Variants in LRRC3C observed in about 807,000 individuals in gnomAD.
LRRC3C encodes leucine rich repeat containing 3C, also known as leucine-rich repeat-containing protein 3C.
Under a neutral mutation model 14.8 loss-of-function variants are expected in LRRC3C, and 11 were observed. The observed-to-expected ratio is 0.74, with a 90% CI of 0.47 to 1.23. The LOEUF is 1.23. Ranked by LOEUF, LRRC3C falls within the 50% of genes most tolerant of loss-of-function variation. The probability of loss-of-function intolerance (pLI) is 0.00; values close to 1 mark genes in which losing one functional copy is unlikely to be tolerated. For synonymous variants in LRRC3C, 149 were observed against 161.5 expected (o/e 0.92, Z 0.59); for missense variants, 354 against 361.8 (o/e 0.98, Z 0.18).
chr17:39,941,632 G>C lies in LRRC3C; in HGVS notation c.26+83G>C, dbSNP rs74884452. On this transcript the variant is annotated intron_variant, in intron 3 of 3. Coordinates refer to ENST00000377924, the MANE Select transcript of LRRC3C (RefSeq NM_001195545.2). ...CTCTGACCTGGCAGGAGGGCTTCCA[G>C]GTTCCGTACAATACAATACCGTGGG... 6,803 of 1,261,938 alleles carry C rather than the reference G, an allele frequency of 5.4e-3. 61 individuals are homozygous for C. Among genetic ancestry groups the C allele is most frequent in the African/African-American group, 0.037 (2,510 of 67,612 alleles). The allele number at this position is 1,261,938 out of a possible 1,614,324, so 78.2% of individuals were successfully genotyped here.
At chr17:39,936,288 C>T (rs1978792775) in intron 2 of LRRC3C, among the ~76,000 whole-genome samples, 1 of 152,228 alleles carries the variant, frequency 6.6e-6, no homozygotes, top group Non-Finnish European at 1.5e-5. Flanking sequence ...GTGGCATAAA[C>T]ATCTGCTGGT....
At chr17:39,934,656 TACCAGAAAGGGGTCCCGATCCAGAC>T (rs1056135638) in intron 1 of LRRC3C, 4 of 152,322 alleles carry the variant, frequency 2.6e-5, no homozygotes, top group African/African-American at 9.6e-5. Flanking sequence ...ACGGAACTGT[TACCAGAAAGGGGTCCCGATCCAGAC>T]ACCAAGAGAG....
intron 1 of LRRC3C, among the ~76,000 whole-genome samples, chr17:39,931,159 T>C (rs925088696): frequency 7.1e-6 from 1 of 140,466 alleles, no homozygotes; most frequent in African/African-American, 2.7e-5. Context: ...AAAAAAAGTC[T>C]TCCTTGGCTG....
intron 2 of LRRC3C, among the ~76,000 whole-genome samples, chr17:39,940,441 C>G (rs1978907411): frequency 6.6e-6 from 1 of 152,056 alleles, no homozygotes; most frequent in Non-Finnish European, 1.5e-5. Context: ...GAGACAGAGT[C>G]GCACTCTGTC....
At chr17:39,938,964 T>C (rs1052056620) in intron 2 of LRRC3C, among the ~76,000 whole-genome samples, 1 of 147,378 alleles carries the variant, frequency 6.8e-6, no homozygotes, top group Non-Finnish European at 1.5e-5. Flanking sequence ...CCAGCCTGGG[T>C]GCACTCAGAG....
In LRRC3C at chr17:39,941,672, A is replaced by G. The variant is rs377767130; in HGVS notation, c.26+123A>G. 3,704 of 825,632 alleles carry G rather than the reference A, an allele frequency of 4.5e-3. 18 individuals are homozygous for G. Among genetic ancestry groups the G allele is most frequent in the Non-Finnish European group, 5.5e-3 (2,855 of 517,216 alleles). 51.1% of individuals were successfully genotyped at this position (825,632 alleles called of 1,614,324 possible). A position where few individuals can be genotyped will look rare whatever the true frequency, so the allele number is the denominator to read the frequency against. On this transcript the variant is annotated intron_variant, in intron 3 of 3. Transcript: ENST00000377924. Reference sequence around the variant, plus strand: ...AATACCGTGGGTACCATCAGGCTCAACGTGCAAGGATGTAGGGTATTGGTA... The same window carrying G: ...AATACCGTGGGTACCATCAGGCTCAGCGTGCAAGGATGTAGGGTATTGGTA...
At chr17:39,940,538 G>A (rs770116289) in intron 2 of LRRC3C, among the ~76,000 whole-genome samples, 3 of 151,780 alleles carry the variant, frequency 2.0e-5, no homozygotes, top group Admixed American at 6.6e-5. Flanking sequence ...TCAGCCTCCC[G>A]AGTAGCTAGG....
Sources: gnomAD v4.1 joint callset for allele counts (sites outside exome capture counted in the v4.1 genomes callset) on GRCh38, gnomAD v4.1.1 for gene constraint, MANE v1.5 for transcripts, NCBI Gene and HGNC (gene_info 2026-07-23, HGNC 2026-07-21) for gene names.